Variants in PTPRN2 observed in about 807,000 individuals in gnomAD.
The protein encoded by PTPRN2 is receptor-type tyrosine-protein phosphatase N2.
In PTPRN2, 74 loss-of-function variants were observed where a neutral mutation model predicts 118.8. The ratio of observed to expected loss-of-function variants is 0.62; its 90% CI spans 0.52 to 0.76. The LOEUF (loss-of-function observed/expected upper bound fraction) is 0.76. Ranked by LOEUF, PTPRN2 falls within the 30% of genes least tolerant of loss-of-function variation. The pLI is 0.00. For synonymous variants in PTPRN2, 641 were observed against 608.0 expected (o/e 1.05, Z -0.80); for missense variants, 1,481 against 1,394.4 (o/e 1.06, Z -0.99).
chr7:158,310,662 G>A (rs1156739720), intron 3 of PTPRN2, among the ~76,000 whole-genome samples: 1 of 151,836 alleles, frequency 6.6e-6, no homozygotes, highest in Non-Finnish European at 1.5e-5. Context: ...CCCACGGAGG[G>A]CGAGCCCTGA....
chr7:158,038,946 C>T (rs1373416611), intron 11 of PTPRN2, among the ~76,000 whole-genome samples: 1 of 151,962 alleles, frequency 6.6e-6, no homozygotes, highest in Non-Finnish European at 1.5e-5. Flanking sequence ...GCTGCTCCAC[C>T]TTATTTGTCT....
At chr7:158,133,121 G>C (rs1483181766) in intron 9 of PTPRN2, among the ~76,000 whole-genome samples, 3 of 152,206 alleles carry the variant, frequency 2.0e-5, no homozygotes, top group African/African-American at 7.2e-5. Context: ...GCTCGCTGCT[G>C]TGAAGCCCCT....
chr7:157,855,195 T>C (rs6970128), intron 12 of PTPRN2, among the ~76,000 whole-genome samples: 87,140 of 116,710 alleles, frequency 0.75, 32,477 homozygotes, highest in East Asian at 0.89. Flanking sequence ...GGGGTGTGTG[T>C]GGGGCCGGAT....
Position 157,693,986 on chromosome 7 carries a change from G to A in PTPRN2, c.1789-11049C>T, listed in dbSNP as rs564917570. 3.9e-4 allele frequency among the ~76,000 whole-genome samples: 59 copies of A among 152,378 alleles called. No individual in the cohort carries two copies. The South Asian group carries it at 0.01, about 27-fold the overall frequency. ...GGGACGCAGACCCTGCCGTCTGGGG[G>A]TCCTGGGGCGGCCACGGGGCCGGCG... On this transcript the variant is annotated intron_variant, in intron 12 of 22. Coordinates refer to ENST00000389418, the MANE Select transcript of PTPRN2 (RefSeq NM_002847.5).
intron 3 of PTPRN2, among the ~76,000 whole-genome samples, chr7:158,270,893 TCCACCTGGACCACC>T (rs1798391799): frequency 6.8e-5 from 1 of 14,726 alleles, no homozygotes; most frequent in Non-Finnish European, 1.2e-4. Context: ...GATGACCCCC[TCCACCTGGACCACC>T]CCCCCCACCT....
intron 1 of PTPRN2, among the ~76,000 whole-genome samples, chr7:158,495,478 G>A (rs1821767808): frequency 6.6e-6 from 1 of 152,056 alleles, no homozygotes; most frequent in Admixed American, 6.5e-5. Flanking sequence ...GATGCGCCCT[G>A]CCCACTGCAG....
chr7:158,046,281 A>C (rs1216498459), intron 11 of PTPRN2, among the ~76,000 whole-genome samples: 8 of 133,476 alleles, frequency 6.0e-5, no homozygotes, highest in Admixed American at 1.5e-4. Context: ...AGGAGCAGAA[A>C]CTGCGATCCT....
chr7:158,337,256 A>G (rs1259952125), intron 2 of PTPRN2, among the ~76,000 whole-genome samples: 3 of 150,524 alleles, frequency 2.0e-5, no homozygotes, highest in South Asian at 2.1e-4. Flanking sequence ...AAGAGCTGAC[A>G]CCTGCAGACG....
chr7:157,679,031 T>C (rs1796796805), intron 13 of PTPRN2, among the ~76,000 whole-genome samples: 1 of 152,134 alleles, frequency 6.6e-6, no homozygotes, highest in African/African-American at 2.4e-5. Context: ...AGTATACTGG[T>C]ACCAAAAATC....
Position 157,779,788 on chromosome 7 carries a change from G to A in PTPRN2, c.1789-96851C>T, listed in dbSNP as rs1336215033. Among the ~76,000 whole-genome samples, 1 of 152,172 alleles carries A rather than the reference G, an allele frequency of 6.6e-6. No homozygotes were observed. The highest frequency in any genetic ancestry group is 1.5e-5 in the Non-Finnish European group (1 of 68,018). On this transcript the variant is annotated intron_variant, in intron 12 of 22. Transcript: ENST00000389418. The surrounding 1 kb of genome is among the most constrained non-coding windows in gnomAD (Gnocchi z 4.7). ...GCTGGGTCACCCAGGGCACCCCGAGGTCATCAGCCTGAGGAAGAGTGCTGG... is the reference window on the plus strand; with the variant it reads ...GCTGGGTCACCCAGGGCACCCCGAGATCATCAGCCTGAGGAAGAGTGCTGG...
intron 13 of PTPRN2, among the ~76,000 whole-genome samples, chr7:157,672,659 C>T (rs1414273786): frequency 6.6e-6 from 1 of 152,198 alleles, no homozygotes; most frequent in African/African-American, 2.4e-5. Context: ...AATCCAGCTT[C>T]CGCTCTCCTC....
chr7:157,562,895 C>G (rs34407936), intron 21 of PTPRN2, among the ~76,000 whole-genome samples: 1 of 139,898 alleles, frequency 7.1e-6, no homozygotes, highest in Admixed American at 7.1e-5. Flanking sequence ...GGACCACGTG[C>G]TCCCGCATCA....
At chr7:158,196,986 G>A (rs1826259373) in intron 4 of PTPRN2, among the ~76,000 whole-genome samples, 6 of 152,188 alleles carry the variant, frequency 3.9e-5, no homozygotes, top group African/African-American at 1.4e-4. Context: ...AGGTAGATAT[G>A]AGTCAAGGAG....
intron 3 of PTPRN2, among the ~76,000 whole-genome samples, chr7:158,235,167 A>G (rs1279194224): frequency 6.6e-6 from 1 of 152,220 alleles, no homozygotes; most frequent in Non-Finnish European, 1.5e-5. Flanking sequence ...CGCAGCCACT[A>G]TAGAGAATAG....
chr7:158,337,348 ACCT>A (rs1805824397), intron 2 of PTPRN2, among the ~76,000 whole-genome samples: 216 of 86,194 alleles, frequency 2.5e-3, no homozygotes, highest in African/African-American at 8.4e-3. Context: ...AAGAGGTGAC[ACCT>A]GCAGACGTCC....
intron 11 of PTPRN2, among the ~76,000 whole-genome samples, chr7:158,072,324 G>C (rs145204528): frequency 1.1e-3 from 170 of 152,246 alleles, no homozygotes; most frequent in African/African-American, 3.9e-3. Flanking sequence ...AGGGGACTCA[G>C]ATGCCAGCCT....
intron 3 of PTPRN2, among the ~76,000 whole-genome samples, chr7:158,210,633 A>T (rs1440000567): frequency 6.6e-6 from 1 of 152,156 alleles, no homozygotes; most frequent in African/African-American, 2.4e-5. Context: ...GAAAAAGGAG[A>T]CATTACAACT....
At chr7:157,547,756 G>A (rs1487467220) in intron 22 of PTPRN2, among the ~76,000 whole-genome samples, 2 of 151,466 alleles carry the variant, frequency 1.3e-5, no homozygotes, top group African/African-American at 4.9e-5. Context: ...CCTCGTGAGG[G>A]ACAGTCCTGC....
At chr7:158,344,133 G>T (rs532745558) in intron 2 of PTPRN2, among the ~76,000 whole-genome samples, 1 of 151,986 alleles carries the variant, frequency 6.6e-6, no homozygotes, top group Non-Finnish European at 1.5e-5. Flanking sequence ...CCAGCACCTG[G>T]GCCCTTAGAA....
Sources: allele counts gnomAD v4.1 joint callset (sites outside exome capture counted in the v4.1 genomes callset), GRCh38; gene constraint gnomAD v4.1.1; non-coding constraint Gnocchi (gnomAD v3.1); transcripts MANE v1.5; gene names NCBI Gene and HGNC (gene_info 2026-07-23, HGNC 2026-07-21).